The following SUMF1 variants were observed in gnomAD, a reference collection of about 807,000 sequenced individuals.
The protein encoded by SUMF1 is sulfatase modifying factor 1, also known as formylglycine-generating enzyme.
Under a neutral mutation model 47.6 loss-of-function variants are expected in SUMF1, and 48 were observed. That is an observed-to-expected ratio of 1.01 (90% CI 0.80 to 1.28). The LOEUF (loss-of-function observed/expected upper bound fraction) is 1.28. Ranked by LOEUF, SUMF1 falls within the 50% of genes most tolerant of loss-of-function variation. The pLI is 0.00. For missense variants in SUMF1, 571 were observed against 485.4 expected (o/e 1.18, Z -1.66); for synonymous variants, 230 against 192.1 (o/e 1.20, Z -1.63).
intron 8 of SUMF1, among the ~76,000 whole-genome samples, chr3:4,169,555 G>A (rs1574946433): frequency 6.6e-6 from 1 of 152,156 alleles, no homozygotes; most frequent in East Asian, 1.9e-4. Context: ...TGCCCTTGCA[G>A]ACACCTATAT....
At chr3:4,244,459 A>T (rs754430139) in intron 8 of SUMF1, among the ~76,000 whole-genome samples, 7 of 152,212 alleles carry the variant, frequency 4.6e-5, no homozygotes, top group Non-Finnish European at 1.0e-4. Flanking sequence ...CCTGGTGGTG[A>T]CAAAATCTCT....
intron 8 of SUMF1, among the ~76,000 whole-genome samples, chr3:4,177,300 C>A (rs1694988232): frequency 6.6e-6 from 1 of 152,100 alleles, no homozygotes; most frequent in Admixed American, 6.5e-5. Flanking sequence ...TAAAGCACTC[C>A]TCAGCAAATG....
chr3:4,124,317 T>C (rs76304395), intron 8 of SUMF1, among the ~76,000 whole-genome samples: 4,772 of 152,250 alleles, frequency 0.031, 105 homozygotes, highest in African/African-American at 0.052. Flanking sequence ...AATTTTTCTA[T>C]ATCTTGGAAA....
rs34228101 is a variant in SUMF1, at chr3:4,050,748, C to CAAA, written c.1191+17818_1191+17820dup. On this transcript the variant is annotated intron_variant and NMD_transcript_variant, in intron 9 of 12. Transcript: ENST00000448413. The stretch of plus-strand genomic sequence containing the variant: ...GGGCAACCAGAGTGAGACCCTGTCT[C>CAAA]AAAAAAAAAAAAAAAAAAGAAAGAA... Among the ~76,000 whole-genome samples, 57 of 86,924 alleles carry CAAA rather than the reference C, an allele frequency of 6.6e-4. 1 individual carries two copies. Among genetic ancestry groups the CAAA allele is most frequent in the African/African-American group, 1.8e-3 (44 of 24,110 alleles). The allele number at this position is 86,924 out of a possible 152,430, so 57.0% of individuals were successfully genotyped here. A position where few individuals can be genotyped will look rare whatever the true frequency, so the allele number is the denominator to read the frequency against.
chr3:4,049,071 A>C (rs1018648331), intron 9 of SUMF1, among the ~76,000 whole-genome samples: 6 of 152,170 alleles, frequency 3.9e-5, no homozygotes, highest in Admixed American at 3.9e-4. Context: ...CCCATGTCAC[A>C]AAAGTGTATC....
intron 3 of SUMF1, among the ~76,000 whole-genome samples, chr3:4,427,341 T>C (rs1278901506): frequency 6.6e-6 from 1 of 152,106 alleles, no homozygotes; most frequent in Non-Finnish European, 1.5e-5. Flanking sequence ...CTGGCATCAG[T>C]GAACAATGAG....
intron 8 of SUMF1, among the ~76,000 whole-genome samples, chr3:4,135,115 C>A (rs1028092584): frequency 6.6e-6 from 1 of 152,098 alleles, no homozygotes; most frequent in African/African-American, 2.4e-5. Context: ...CTCCCTAACT[C>A]ATTTGATGAT....
At chr3:4,436,190 T>C (rs1326521212) in intron 3 of SUMF1, among the ~76,000 whole-genome samples, 3 of 152,168 alleles carry the variant, frequency 2.0e-5, no homozygotes, top group Non-Finnish European at 2.9e-5. Flanking sequence ...GAACATAGTC[T>C]AGGTTTTTTC....
chr3:4,445,550 G>A (rs1334694045), intron 3 of SUMF1, among the ~76,000 whole-genome samples: 1 of 151,882 alleles, frequency 6.6e-6, no homozygotes, highest in Non-Finnish European at 1.5e-5. Flanking sequence ...TCTCTCTCTT[G>A]CCCAGGCTGG....
intron 8 of SUMF1, among the ~76,000 whole-genome samples, chr3:4,244,966 TCTTG>T (rs1414611643): frequency 6.6e-6 from 1 of 152,076 alleles, no homozygotes; most frequent in Non-Finnish European, 1.5e-5. Flanking sequence ...TCTCTTGTCT[TCTTG>T]CTTTATTTCA....
intron 8 of SUMF1, among the ~76,000 whole-genome samples, chr3:4,245,491 G>GC (rs1696643207): frequency 2.6e-5 from 4 of 152,050 alleles, no homozygotes; most frequent in Admixed American, 2.6e-4. Flanking sequence ...TAACAGACAG[G>GC]CCCCTCAGCT....
chr3:4,333,847 G>A (rs1699095840), intron 8 of SUMF1, among the ~76,000 whole-genome samples: 1 of 151,440 alleles, frequency 6.6e-6, no homozygotes, highest in Admixed American at 6.6e-5. Flanking sequence ...GTTTTAGCCA[G>A]CCAGGCATAG....
At chr3:4,217,682 G>A (rs1382085960) in intron 8 of SUMF1, among the ~76,000 whole-genome samples, 1 of 145,112 alleles carries the variant, frequency 6.9e-6, no homozygotes, top group East Asian at 2.1e-4. Flanking sequence ...GTTTCAGCAT[G>A]TGTAGGTTTT....
chr3:4,392,187 T>C (rs1400299444), intron 7 of SUMF1, among the ~76,000 whole-genome samples: 1 of 152,182 alleles, frequency 6.6e-6, no homozygotes, highest in African/African-American at 2.4e-5. Flanking sequence ...CCATTTCTTA[T>C]CTGCTCTTGT....
intron 3 of SUMF1, among the ~76,000 whole-genome samples, chr3:4,447,247 G>A (rs1230577338): frequency 6.6e-6 from 1 of 152,010 alleles, no homozygotes; most frequent in African/African-American, 2.4e-5. Flanking sequence ...TAAATAGAAT[G>A]CAACACTTAA....
At chr3:4,231,286 G>C (rs1030106054) in intron 8 of SUMF1, among the ~76,000 whole-genome samples, 1 of 152,078 alleles carries the variant, frequency 6.6e-6, no homozygotes, top group Non-Finnish European at 1.5e-5. Flanking sequence ...TAGGACTTCA[G>C]TTTCCCTGTT....
Position 4,310,182 on chromosome 3 carries a change from G to A in SUMF1, c.1014+66148C>T, listed in dbSNP as rs115662123. On this transcript the variant is annotated intron_variant and NMD_transcript_variant, in intron 8 of 12. Transcript: ENST00000448413. ...TGTGGTCTGACCAAAAAGTCATTAT[G>A]CAGCACATGACTACTCGAAGTTTAA... is the stretch of plus-strand genomic sequence containing the variant. Among the ~76,000 whole-genome samples, 535 of 152,272 alleles carry A rather than the reference G, an allele frequency of 3.5e-3. 4 individuals are homozygous for A. Among genetic ancestry groups the A allele is most frequent in the African/African-American group, 0.012 (507 of 41,554 alleles).
intron 8 of SUMF1, among the ~76,000 whole-genome samples, chr3:4,290,336 T>A (rs1697715468): frequency 6.6e-6 from 1 of 150,608 alleles, no homozygotes; most frequent in South Asian, 2.1e-4. Context: ...AATTTTCTCA[T>A]CACAATTTGC....
intron 9 of SUMF1, among the ~76,000 whole-genome samples, chr3:4,055,758 C>A (rs1254485114): frequency 3.9e-5 from 6 of 152,130 alleles, no homozygotes; most frequent in Non-Finnish European, 5.9e-5. Flanking sequence ...TGTAAGCCAT[C>A]ACACTTGGCC....
Sources: gnomAD v4.1 joint callset for allele counts (sites outside exome capture counted in the v4.1 genomes callset) on GRCh38, gnomAD v4.1.1 for gene constraint, MANE v1.5 for transcripts, NCBI Gene and HGNC (gene_info 2026-07-23, HGNC 2026-07-21) for gene names.